The following DSCAML1 variants were observed in gnomAD, a reference collection of about 807,000 sequenced individuals.
DSCAML1 encodes cell adhesion molecule DSCAML1.
DSCAML1 carries 38 observed loss-of-function variants against 200.5 expected under a neutral mutation model. The ratio of observed to expected loss-of-function variants is 0.19; its 90% CI spans 0.15 to 0.25. The LOEUF is 0.25. Among genes scored for constraint, DSCAML1 ranks in the 10% least tolerant of loss-of-function variants. The pLI is 1.00. For synonymous variants in DSCAML1, 1,215 were observed against 1,165.0 expected (o/e 1.04, Z -0.87); for missense variants, 2,223 against 2,858.8 (o/e 0.78, Z 5.07).
chr11:117,786,583 C>A (rs954947263), intron 1 of DSCAML1, among the ~76,000 whole-genome samples: 4 of 152,164 alleles, frequency 2.6e-5, no homozygotes, highest in African/African-American at 9.7e-5. Context: ...TCCCACCCCA[C>A]CTGCCTGTGT....
chr11:117,773,062 A>T (rs2055068095), intron 3 of DSCAML1, among the ~76,000 whole-genome samples: 1 of 152,248 alleles, frequency 6.6e-6, no homozygotes, highest in Non-Finnish European at 1.5e-5. Context: ...TTCCTTGGCC[A>T]GCTTCAGGAT....
chr11:117,740,434 G>C (rs2054400110), intron 3 of DSCAML1, among the ~76,000 whole-genome samples: 1 of 152,152 alleles, frequency 6.6e-6, no homozygotes, highest in Admixed American at 6.5e-5. Flanking sequence ...GAGGTTCTTA[G>C]GAGATGGGAC....
intron 18 of DSCAML1, among the ~76,000 whole-genome samples, chr11:117,459,677 G>T (rs1219406999): frequency 1.1e-4 from 17 of 152,196 alleles, no homozygotes; most frequent in Admixed American, 1.1e-3. Context: ...GTCCCATGGG[G>T]GCCAGAGTTG....
chr11:117,719,094 C>G (rs2054003901), intron 3 of DSCAML1, among the ~76,000 whole-genome samples: 1 of 152,088 alleles, frequency 6.6e-6, no homozygotes, highest in African/African-American at 2.4e-5. Flanking sequence ...TCCTTGAATC[C>G]TCATAGTAAC....
chr11:117,784,799 T>C (rs1012828538), intron 1 of DSCAML1, among the ~76,000 whole-genome samples: 2 of 152,150 alleles, frequency 1.3e-5, no homozygotes, highest in African/African-American at 4.8e-5. Flanking sequence ...CAGGATGTGA[T>C]TGCACCATCT....
rs2055593646 is a variant in DSCAML1, at chr11:117,797,022, C to T, written c.46+12G>A. On this transcript the variant is annotated intron_variant, in intron 1 of 32. Transcript: ENST00000651296. ...GCCGCCTCCGCCGCCCAGCCGCCCG[C>T]GCAGGTCTCACCTTTGTGTAAAGAG... 28 of 1,457,296 alleles carry T rather than the reference C, an allele frequency of 1.9e-5. No individual in the cohort carries two copies. Among genetic ancestry groups the T allele is most frequent in the Non-Finnish European group, 2.6e-5 (28 of 1,096,716 alleles). 90.3% of individuals were successfully genotyped at this position (1,457,296 alleles called of 1,614,324 possible).
At chr11:117,646,860 A>C (rs2052531993) in intron 3 of DSCAML1, among the ~76,000 whole-genome samples, 1 of 152,084 alleles carries the variant, frequency 6.6e-6, no homozygotes, top group Non-Finnish European at 1.5e-5. Context: ...AGAGGAAAAA[A>C]AAAAAAACAA....
intron 3 of DSCAML1, among the ~76,000 whole-genome samples, chr11:117,664,525 A>G (rs552262455): frequency 6.6e-6 from 1 of 152,012 alleles, no homozygotes; most frequent in Admixed American, 6.6e-5. Flanking sequence ...CCTACCTTAC[A>G]TTGCTGTTTT....
intron 1 of DSCAML1, among the ~76,000 whole-genome samples, chr11:117,803,174 A>C (rs1032099265): frequency 6.6e-6 from 1 of 151,962 alleles, no homozygotes; most frequent in African/African-American, 2.4e-5. Context: ...CCTATCACCG[A>C]CTGGGCCAGC....
chr11:117,745,338 C>A (rs1163818167), intron 3 of DSCAML1, among the ~76,000 whole-genome samples: 1 of 152,158 alleles, frequency 6.6e-6, no homozygotes. Flanking sequence ...AAAACAACAC[C>A]TGACTGCAAA....
chr11:117,780,530 G>A lies in DSCAML1; in HGVS notation c.327C>T (p.Ala109=). The part of the protein sequence containing the change: ...NDYFCTAENA[A]GKIRSPNIRV... ...GGATGTTGGGGCTCCGGATCTTGCC[G>A]GCAGCGTTCTCCGCGGTGCAGAAGT... The change falls in exon 2 of 33, where the codon GCC becomes GCT. Residue 109 remains alanine (A), a synonymous_variant. Transcript: ENST00000651296. The surrounding 1 kb of genome is among the most constrained non-coding windows in gnomAD (Gnocchi z 4.8). 4 of 1,462,030 alleles carry A rather than the reference G, an allele frequency of 2.7e-6. No homozygotes were observed. Among genetic ancestry groups the A allele is most frequent in the Non-Finnish European group, 3.6e-6 (4 of 1,100,600 alleles). The allele number at this position is 1,462,030 out of a possible 1,614,324, so 90.6% of individuals were successfully genotyped here.
Position 117,504,554 on chromosome 11 carries a change from C to G in DSCAML1, c.2182+370G>C, listed in dbSNP as rs1288435630. On this transcript the variant is annotated intron_variant, in intron 10 of 32. Transcript: ENST00000651296. This position sits in a 1 kb window ranked among gnomAD's most constrained non-coding sequence, Gnocchi z 5.0. The stretch of plus-strand genomic sequence containing the variant: ...GATGAAATTGGGCTCCAAGAAGGAC[C>G]CTGACCCCAGAAAAGGTTGACTGGT... 1.3e-5 allele frequency among the ~76,000 whole-genome samples: 2 copies of G among 152,126 alleles called. No homozygotes were observed. Among genetic ancestry groups the G allele is most frequent in the African/African-American group, 2.4e-5 (1 of 41,416 alleles).
intron 3 of DSCAML1, among the ~76,000 whole-genome samples, chr11:117,705,403 C>T (rs2053742921): frequency 6.6e-6 from 1 of 152,196 alleles, no homozygotes; most frequent in African/African-American, 2.4e-5. Context: ...GTACTTTCTA[C>T]TCCCCAGCAA....
intron 6 of DSCAML1, among the ~76,000 whole-genome samples, chr11:117,519,130 C>A (rs1405869150): frequency 6.6e-6 from 1 of 152,248 alleles, no homozygotes; most frequent in African/African-American, 2.4e-5. Context: ...AGGCTTCACA[C>A]AGCGCTTTGT....
chr11:117,476,912 C>A (rs558056200), intron 14 of DSCAML1, among the ~76,000 whole-genome samples: 1 of 152,010 alleles, frequency 6.6e-6, no homozygotes. Context: ...CCTGGGGCAG[C>A]GGGAAGTGGA....
chr11:117,690,553 C>T (rs2053477149), intron 3 of DSCAML1, among the ~76,000 whole-genome samples: 2 of 152,210 alleles, frequency 1.3e-5, no homozygotes, highest in African/African-American at 4.8e-5. Context: ...GATCACCAAG[C>T]TATCTGCATT....
At chr11:117,733,365 C>G (rs2054258834) in intron 3 of DSCAML1, among the ~76,000 whole-genome samples, 1 of 152,168 alleles carries the variant, frequency 6.6e-6, no homozygotes, top group African/African-American at 2.4e-5. Flanking sequence ...CAGAGTGGGG[C>G]TCAGTGAGTG....
Position 117,481,241 on chromosome 11 carries a change from C to T in DSCAML1, c.2589G>A (p.Val863=). 1.2e-6 allele frequency: 2 copies of T among 1,613,896 alleles called. No individual in the cohort carries two copies. Among genetic ancestry groups the T allele is most frequent in the Admixed American group, 1.7e-5 (1 of 60,012 alleles). ...AGTTGATGGCATGGCAGCTGAAGAA[C>T]ACAGAGTCCCCACGGTCAGCGGGCT... ...KLKPADRGDS[V]FFSCHAINSY... The change falls in exon 13 of 33, where the codon GTG becomes GTA. Residue 863 remains valine, a synonymous_variant. Transcript: ENST00000651296.
intron 3 of DSCAML1, among the ~76,000 whole-genome samples, chr11:117,590,855 T>C (rs116603337): frequency 0.016 from 2,432 of 152,226 alleles, 61 homozygotes; most frequent in African/African-American, 0.055. Context: ...GCAGTGACAA[T>C]AATCATGCAG....
Sources: allele counts gnomAD v4.1 joint callset (sites outside exome capture counted in the v4.1 genomes callset), GRCh38; gene constraint gnomAD v4.1.1; non-coding constraint Gnocchi (gnomAD v3.1); transcripts MANE v1.5; gene names NCBI Gene and HGNC (gene_info 2026-07-23, HGNC 2026-07-21).